Variants in H2BC5 observed in about 807,000 individuals in gnomAD.
H2BC5 encodes the protein histone H2B type 1-D.
In H2BC5, 9 loss-of-function variants were observed where a neutral mutation model predicts 5.7. The ratio of observed to expected loss-of-function variants is 1.57; its 90% CI spans 0.95 to 2.74. H2BC5 has a LOEUF of 2.74. H2BC5 is among the 30% of genes most tolerant of loss of function. The pLI is 0.00. For missense variants in H2BC5, 175 were observed against 168.8 expected (o/e 1.04, Z -0.20); for synonymous variants, 133 against 70.9 (o/e 1.88, Z -4.40).
At chr6:26,164,211 C>T in intron 1 of H2BC5, 1 of 413,376 alleles carries the variant, frequency 2.4e-6, no homozygotes, top group Admixed American at 2.7e-5. Flanking sequence ...AAGCAGTGCC[C>T]CTCTCAGTCT....
rs1351314511 is a variant in H2BC5, at chr6:26,158,313, G to A, written c.144G>A (p.Gln48=). Residue 48 remains glutamine (Q), a synonymous_variant, in exon 1 of 1, where the codon CAG becomes CAA. Coordinates refer to ENST00000377777, the MANE Select transcript of H2BC5 (RefSeq NM_021063.4). Reference sequence around the variant, plus strand: ...TGTATGTGTACAAGGTGCTGAAGCAGGTCCATCCCGACACCGGCATCTCTT... The same window carrying A: ...TGTATGTGTACAAGGTGCTGAAGCAAGTCCATCCCGACACCGGCATCTCTT... ...YSVYVYKVLK[Q]VHPDTGISSK... is the part of the protein sequence containing the mutation. 1 of 1,614,128 alleles carries A rather than the reference G, an allele frequency of 6.2e-7. No homozygotes were observed. The highest frequency in any genetic ancestry group is 8.5e-7 in the Non-Finnish European group (1 of 1,180,056).
intron 1 of H2BC5, chr6:26,164,284 G>T: frequency 3.8e-6 from 1 of 265,374 alleles, no homozygotes; most frequent in South Asian, 4.7e-5. Context: ...AGCCCATCCT[G>T]GAAGATGCCA....
chr6:26,158,121 G>A (rs771408336), upstream of H2BC5: 51 of 1,572,224 alleles, frequency 3.2e-5, 1 homozygote, highest in East Asian at 1.1e-3. Flanking sequence ...CGGCGGGAGT[G>A]ATTATTTTCT....
chr6:26,158,781 A>G, downstream of H2BC5: 1 of 666,020 alleles, frequency 1.5e-6, no homozygotes, highest in Non-Finnish European at 2.5e-6. Context: ...TTAGATCGTT[A>G]GCTCATTTAG....
chr6:26,162,234 C>T (rs1467789138), downstream of H2BC5, among the ~76,000 whole-genome samples: 2 of 152,050 alleles, frequency 1.3e-5, no homozygotes, highest in Non-Finnish European at 2.9e-5. Flanking sequence ...GTCTAGCTAA[C>T]CTTATCAAAT....
intron 1 of H2BC5, chr6:26,164,185 C>T: frequency 2.2e-6 from 1 of 445,472 alleles, no homozygotes; most frequent in Non-Finnish European, 4.5e-6. Flanking sequence ...CAGGAGGTGG[C>T]AGGGGTGAGG....
downstream of H2BC5, among the ~76,000 whole-genome samples, chr6:26,162,372 G>C (rs903318327): frequency 2.6e-5 from 4 of 152,134 alleles, no homozygotes; most frequent in Admixed American, 6.6e-5. Flanking sequence ...TACTGTGCTA[G>C]CTACCATCAC....
Position 26,158,452 on chromosome 6 carries a change from A to G in H2BC5, c.283A>G (p.Ile95Val). ...GCGCTCGACCATCACCTCCAGGGAG[A>G]TCCAGACGGCCGTGCGCCTGCTGCT... is the stretch of plus-strand genomic sequence containing the variant. ...NKRSTITSRE[I>V]QTAVRLLLPG... is the part of the protein sequence containing the mutation. The change falls in exon 1 of 1, where the codon ATC becomes GTC. Residue 95 changes from isoleucine (I) to valine (V), a missense_variant. Physicochemically the swap from Ile to Val is conservative, Grantham distance 29. This residue lies in a region of H2BC5 where 43 missense variants were observed against 37.7 expected (regional missense o/e 1.14). Transcript: ENST00000377777. 6.2e-7 allele frequency: 1 copy of G among 1,614,232 alleles called. No homozygotes were observed.
intron 1 of H2BC5, chr6:26,164,173 A>C: frequency 2.2e-6 from 1 of 451,228 alleles, no homozygotes; most frequent in Non-Finnish European, 4.5e-6. Context: ...ACTCAGTGGT[A>C]GCAGGAGGTG....
intron 1 of H2BC5, among the ~76,000 whole-genome samples, chr6:26,168,019 G>A (rs1342483808): frequency 6.6e-6 from 1 of 151,994 alleles, no homozygotes; most frequent in African/African-American, 2.4e-5. Flanking sequence ...ATACTTGAAT[G>A]AGCTTGTATT....
chr6:26,158,307 G>A lies in H2BC5; in HGVS notation c.138G>A (p.Leu46=), dbSNP rs780982348. The part of the protein sequence containing the change: ...ESYSVYVYKV[L]KQVHPDTGIS... The stretch of plus-strand genomic sequence containing the variant: ...ATTCAGTGTATGTGTACAAGGTGCT[G>A]AAGCAGGTCCATCCCGACACCGGCA... The change falls in exon 1 of 1, where the codon CTG becomes CTA. Residue 46 remains leucine (L), a synonymous_variant. Coordinates refer to ENST00000377777, the MANE Select transcript of H2BC5 (RefSeq NM_021063.4). 2.2e-5 allele frequency: 35 copies of A among 1,614,144 alleles called. No individual in the cohort carries two copies. Among genetic ancestry groups the A allele is most frequent in the African/African-American group, 4.0e-5 (3 of 74,938 alleles).
chr6:26,164,824 C>T (rs1394233237), intron 1 of H2BC5, among the ~76,000 whole-genome samples: 1 of 151,944 alleles, frequency 6.6e-6, no homozygotes, highest in African/African-American at 2.4e-5. Flanking sequence ...AGAACCGGCA[C>T]CTTGATCTTG....
chr6:26,165,928 C>T (rs576276041), intron 1 of H2BC5, among the ~76,000 whole-genome samples: 15 of 152,338 alleles, frequency 9.8e-5, no homozygotes, highest in Admixed American at 4.6e-4. Context: ...CAGCCACTGA[C>T]TGGGTTGGGC....
chr6:26,167,642 G>A (rs1177948790), intron 1 of H2BC5, among the ~76,000 whole-genome samples: 1 of 152,128 alleles, frequency 6.6e-6, no homozygotes, highest in African/African-American at 2.4e-5. Context: ...AAAAAGGCTA[G>A]GTAGAGTGAT....
At chr6:26,158,682 T>C, downstream of H2BC5, 6 of 1,364,786 alleles carry the variant, frequency 4.4e-6, no homozygotes, top group Non-Finnish European at 5.0e-6. Flanking sequence ...GTACCAATCT[T>C]TAATGTTACG....
chr6:26,170,681 C>G (rs190602338), intron 1 of H2BC5, among the ~76,000 whole-genome samples: 1 of 152,130 alleles, frequency 6.6e-6, no homozygotes, highest in East Asian at 1.9e-4. Flanking sequence ...GTGTTCAAAT[C>G]TTTTCAGGTC....
intron 1 of H2BC5, chr6:26,164,024 G>A (rs1022685279): frequency 4.4e-5 from 19 of 430,522 alleles, no homozygotes; most frequent in African/African-American, 3.7e-4. Context: ...GATAAGAATA[G>A]TAAAAGAACT....
rs753985491 is a variant in H2BC5, at chr6:26,158,292, T to C, written c.123T>C (p.Tyr41=). ...GCCGCAAGGAGAGCTATTCAGTGTA[T>C]GTGTACAAGGTGCTGAAGCAGGTCC... ...KRSRKESYSV[Y]VYKVLKQVHP... is the part of the protein sequence containing the mutation. Residue 41 remains tyrosine, a synonymous_variant, in exon 1 of 1, where the codon TAT becomes TAC. Transcript: ENST00000377777. 35 of 1,614,112 alleles carry C rather than the reference T, an allele frequency of 2.2e-5. No individual in the cohort carries two copies. The East Asian group carries it at 5.8e-4, about 27-fold the overall frequency.
downstream of H2BC5, among the ~76,000 whole-genome samples, chr6:26,160,002 C>G (rs1449851432): frequency 1.3e-5 from 2 of 152,112 alleles, no homozygotes; most frequent in Non-Finnish European, 2.9e-5. Context: ...AGGTGAGACA[C>G]CAGACCTAAA....
Sources: gnomAD v4.1 joint callset for allele counts (sites outside exome capture counted in the v4.1 genomes callset) on GRCh38, gnomAD v4.1.1 for gene constraint, gnomAD v4.1.1 regional missense constraint, MANE v1.5 for transcripts, NCBI Gene and HGNC (gene_info 2026-07-23, HGNC 2026-07-21) for gene names.